Variants in SNRK observed in about 807,000 individuals in gnomAD.
SNRK encodes the protein SNF-related serine/threonine-protein kinase.
SNRK carries 3 observed loss-of-function variants against 48.2 expected under a neutral mutation model. The ratio of observed to expected loss-of-function variants is 0.06; its 90% confidence interval spans 0.03 to 0.16. The LOEUF is 0.16. SNRK is among the 10% of genes least tolerant of loss of function. The probability of loss-of-function intolerance (pLI) is 1.00; values close to 1 mark genes in which losing one functional copy is unlikely to be tolerated. For synonymous variants in SNRK, 376 were observed against 366.1 expected, an observed-to-expected ratio of 1.03 and a Z score of -0.31; for missense variants, 627 against 976.0, an observed-to-expected ratio of 0.64 and a Z score of 4.76.
rs1020474380 is a variant in SNRK at position 43,350,318 on chromosome 3, T to C, written c.*1761T>C. 2 of 152,638 alleles carry C rather than the reference T, an allele frequency of 1.3e-5. No homozygotes were observed. Among genetic ancestry groups the C allele is most frequent in the African/African-American group, 4.8e-5 (2 of 41,446 alleles). The allele number at this position is 152,638 out of a possible 1,614,324, so 9.5% of individuals were successfully genotyped here. On this transcript the variant is annotated 3_prime_UTR_variant, in exon 7 of 7. Coordinates refer to ENST00000296088, the MANE Select transcript of SNRK (RefSeq NM_017719.5). ...CCAGAAATAAGATGTGTGGTTCACA[T>C]AGATAGTGAGCGTAACATCTGTATT... is the stretch of plus-strand genomic sequence containing the variant.
In SNRK at chr3:43,347,441, T is replaced by C; in HGVS notation, c.1182T>C (p.Ala394=). The change falls in exon 7 of 7, where the codon GCT becomes GCC. Residue 394 remains alanine, a synonymous_variant. Coordinates refer to ENST00000296088, the MANE Select transcript of SNRK (RefSeq NM_017719.5). This position sits in a 1 kb window ranked among gnomAD's most constrained non-coding sequence, Gnocchi z 5.4. ...CTGTCCCTCAGTCTCCTGCTCGGGCTGCTGACAGTGTCCTCAATGGCCACA... is the reference window on the plus strand; with the variant it reads ...CTGTCCCTCAGTCTCCTGCTCGGGCCGCTGACAGTGTCCTCAATGGCCACA... The part of the protein sequence containing the change: ...HATVPQSPAR[A]ADSVLNGHRS... The C allele has an allele frequency of 2.5e-6, 4 of 1,614,122 alleles. No individual in the cohort carries two copies. Among genetic ancestry groups the C allele is most frequent in the Non-Finnish European group, 3.4e-6 (4 of 1,180,026 alleles).
chr3:43,331,190 T>C (rs1459529242), intron 3 of SNRK, among the ~76,000 whole-genome samples: 1 of 152,230 alleles, frequency 6.6e-6, no homozygotes, highest in Admixed American at 6.5e-5. Flanking sequence ...TCGTTTCTTA[T>C]TATGTGAATG....
rs1166983222 is a variant in SNRK at position 43,347,559 on chromosome 3, C to G, written c.1300C>G (p.Pro434Ala). ...LSTVPPASLK[P>A]TASGRKCLFR... The stretch of plus-strand genomic sequence containing the variant: ...TACGGTGCCACCCGCAAGCTTAAAA[C>G]CCACAGCCAGTGGGCGGAAGTGTCT... Residue 434 changes from proline (P) to alanine (A), a missense_variant, in exon 7 of 7, where the codon CCC becomes GCC. Around this residue, in one of 4 missense-constraint regions of SNRK, gnomAD observed 175 missense variants for 209.7 expected, o/e 0.83. Transcript: ENST00000296088. The surrounding 1 kb of genome is among the most constrained non-coding windows in gnomAD (Gnocchi z 5.4). 6.2e-7 allele frequency: 1 copy of G among 1,613,934 alleles called. No individual in the cohort carries two copies.
chr3:43,338,432 G>T (rs1386875062), intron 4 of SNRK, among the ~76,000 whole-genome samples: 1 of 152,222 alleles, frequency 6.6e-6, no homozygotes, highest in African/African-American at 2.4e-5. Context: ...CATTGTTGCT[G>T]TTGAGAAGTC....
intron 1 of SNRK, among the ~76,000 whole-genome samples, chr3:43,296,595 CA>C (rs1249492473): frequency 6.6e-6 from 1 of 151,974 alleles, no homozygotes; most frequent in Non-Finnish European, 1.5e-5. Flanking sequence ...TCTACTTTCT[CA>C]TGCCATGGAT....
chr3:43,340,396 A>C lies in SNRK; in HGVS notation c.841A>C (p.Asn281His). 6.2e-7 allele frequency: 1 copy of C among 1,614,160 alleles called. No homozygotes were observed. Among genetic ancestry groups the C allele is most frequent in the Non-Finnish European group, 8.5e-7 (1 of 1,179,992 alleles). The change falls in exon 5 of 7, where the codon AAC becomes CAC. Residue 281 changes from asparagine (N) to histidine (H), a missense_variant. Asn to His is a moderately conservative substitution (Grantham distance 68, BLOSUM62 1). This residue lies in a region of SNRK where 147 missense variants were observed against 356.8 expected (regional missense o/e 0.41). Coordinates refer to ENST00000296088, the MANE Select transcript of SNRK (RefSeq NM_017719.5). ...GVDPSPATKY[N>H]IPLVSYKNLS... is the part of the protein sequence containing the mutation. The stretch of plus-strand genomic sequence containing the variant: ...GGACCCTTCACCAGCTACAAAGTAT[A>C]ACATTCCCCTTGTGTCATACAAAAA...
At chr3:43,336,256 C>T (rs1481417580) in intron 4 of SNRK, among the ~76,000 whole-genome samples, 1 of 150,576 alleles carries the variant, frequency 6.6e-6, no homozygotes, top group Non-Finnish European at 1.5e-5. Flanking sequence ...CTTTCCTCCC[C>T]TCCTTACCCT....
chr3:43,328,140 A>G (rs75783632), intron 3 of SNRK, among the ~76,000 whole-genome samples: 1,578 of 152,268 alleles, frequency 0.01, 25 homozygotes, highest in African/African-American at 0.035. Context: ...ATGAAGAGAC[A>G]GTTCCATTAA....
intron 3 of SNRK, among the ~76,000 whole-genome samples, chr3:43,331,705 A>G (rs1341061375): frequency 6.6e-6 from 1 of 152,228 alleles, no homozygotes; most frequent in Admixed American, 6.5e-5. Flanking sequence ...TGCGTATAAA[A>G]TGACATGAGT....
chr3:43,310,433 ACTT>A (rs1308668977), intron 3 of SNRK, among the ~76,000 whole-genome samples: 2 of 151,608 alleles, frequency 1.3e-5, no homozygotes, highest in East Asian at 3.9e-4. Context: ...GTTTGTTTTT[ACTT>A]CTTTTTTGGT....
chr3:43,310,070 G>A (rs1054536849), intron 3 of SNRK, among the ~76,000 whole-genome samples: 2 of 152,128 alleles, frequency 1.3e-5, no homozygotes, highest in Admixed American at 1.3e-4. Flanking sequence ...TGCAACATTC[G>A]CTTTATTTCA....
chr3:43,348,118 C>G lies in SNRK; in HGVS notation c.1859C>G (p.Ser620Trp). The change falls in exon 7 of 7, where the codon TCG (serine) becomes TGG (tryptophan). Residue 620 changes from serine to tryptophan, a missense_variant. Ser to Trp is a radical substitution (Grantham distance 177). Around this residue, in one of 4 missense-constraint regions of SNRK, gnomAD observed 207 missense variants for 234.3 expected, o/e 0.88. Coordinates refer to ENST00000296088, the MANE Select transcript of SNRK (RefSeq NM_017719.5). ...SGSGGNPTNT[S>W]GTTRRCAGPS... The stretch of plus-strand genomic sequence containing the variant: ...TCGGGTGGCAACCCCACCAATACAT[C>G]GGGTACCACACGCCGCTGTGCCGGC... 6.3e-7 allele frequency: 1 copy of G among 1,586,266 alleles called. No homozygotes were observed. The highest frequency in any genetic ancestry group is 8.6e-7 in the Non-Finnish European group (1 of 1,166,522).
chr3:43,320,615 C>T (rs1388043609), intron 3 of SNRK, among the ~76,000 whole-genome samples: 4 of 151,602 alleles, frequency 2.6e-5, no homozygotes, highest in Admixed American at 6.6e-5. Flanking sequence ...TACAATGAGA[C>T]GTATTAAATG....
intron 3 of SNRK, among the ~76,000 whole-genome samples, chr3:43,309,182 A>C (rs1194430602): frequency 6.6e-6 from 1 of 152,098 alleles, no homozygotes; most frequent in Non-Finnish European, 1.5e-5. Context: ...TTTTATCTTA[A>C]TTTTTTTAAA....
intron 3 of SNRK, among the ~76,000 whole-genome samples, chr3:43,322,359 TAAGA>T (rs1210712856): frequency 6.6e-6 from 1 of 152,238 alleles, no homozygotes; most frequent in Non-Finnish European, 1.5e-5. Flanking sequence ...TTGACCTTTC[TAAGA>T]AAGAGTCATA....
intron 4 of SNRK, chr3:43,333,340 CAG>C (rs1223867795): frequency 7.3e-5 from 8 of 109,270 alleles, no homozygotes; most frequent in African/African-American, 2.9e-4. Flanking sequence ...GCCTGGGCGA[CAG>C]AGCGAGACTC....
chr3:43,348,147 A>G lies in SNRK; in HGVS notation c.1888A>G (p.Ser630Gly), dbSNP rs768308943. Residue 630 changes from serine (S) to glycine (G), a missense_variant, in exon 7 of 7, where the codon AGC (serine) becomes GGC (glycine). This residue lies in a region of SNRK where 207 missense variants were observed against 234.3 expected (regional missense o/e 0.88). Transcript: ENST00000296088. ...SGTTRRCAGP[S>G]NSMQLASRSA... ...TACCACACGCCGCTGTGCCGGCCCC[A>G]GCAACTCCATGCAGCTGGCCTCTCG... 16 of 1,580,742 alleles carry G rather than the reference A, an allele frequency of 1.0e-5. No homozygotes were observed. In the South Asian group the frequency reaches 1.8e-4, roughly 17 times the overall value.
chr3:43,347,537 G>A lies in SNRK; in HGVS notation c.1278G>A (p.Thr426=), dbSNP rs747862946. The A allele has an allele frequency of 1.6e-5, 26 of 1,613,388 alleles. No individual in the cohort carries two copies. In the Admixed American group the frequency reaches 3.7e-4, roughly 23 times the overall value. ...AGTTGGCTGGACCAGCACTCTCTACGGTGCCACCCGCAAGCTTAAAACCCA... is the reference window on the plus strand; with the variant it reads ...AGTTGGCTGGACCAGCACTCTCTACAGTGCCACCCGCAAGCTTAAAACCCA... The part of the protein sequence containing the change: ...LPELAGPALS[T]VPPASLKPTA... The change falls in exon 7 of 7, where the codon ACG becomes ACA. Residue 426 remains threonine, a synonymous_variant. Coordinates refer to ENST00000296088, the MANE Select transcript of SNRK (RefSeq NM_017719.5). This position sits in a 1 kb window ranked among gnomAD's most constrained non-coding sequence, Gnocchi z 5.4.
intron 3 of SNRK, among the ~76,000 whole-genome samples, chr3:43,323,343 C>T (rs377403970): frequency 7.2e-5 from 11 of 152,236 alleles, no homozygotes; most frequent in African/African-American, 2.4e-4. Flanking sequence ...CCAGAAAAGA[C>T]ATAATATGGC....
Sources: gnomAD v4.1 joint callset for allele counts (sites outside exome capture counted in the v4.1 genomes callset) on GRCh38, gnomAD v4.1.1 for gene constraint, gnomAD v4.1.1 regional missense constraint, Gnocchi (gnomAD v3.1) non-coding constraint, MANE v1.5 for transcripts, NCBI Gene and HGNC (gene_info 2026-07-23, HGNC 2026-07-21) for gene names.